The following PAK1 variants were observed in gnomAD, a reference collection of about 807,000 sequenced individuals.
PAK1 encodes serine/threonine-protein kinase PAK 1.
PAK1 carries 29 observed loss-of-function variants against 67.4 expected under a neutral mutation model. The observed-to-expected ratio is 0.43, with a 90% CI of 0.32 to 0.59. The LOEUF is 0.59. PAK1 is among the 20% of genes least tolerant of loss of function. The probability of loss-of-function intolerance (pLI) is 0.07; values close to 1 mark genes in which losing one functional copy is unlikely to be tolerated. For missense variants in PAK1, 337 were observed against 670.7 expected (o/e 0.50, Z 5.50); for synonymous variants, 223 against 237.4 (o/e 0.94, Z 0.56).
the PAK1 span, among the ~76,000 whole-genome samples, chr11:77,496,014 G>C: frequency 7.3e-6 from 1 of 137,144 alleles, no homozygotes; most frequent in African/African-American, 2.9e-5. Flanking sequence ...CCACTGAACT[G>C]TACACTTTTT....
At chr11:77,487,106 T>C in the PAK1 span, among the ~76,000 whole-genome samples, 7 of 152,192 alleles carry the variant, frequency 4.6e-5, no homozygotes, top group East Asian at 1.2e-3. Flanking sequence ...ACTTAGATAC[T>C]TGCTCAGCCA....
intron 1 of PAK1, among the ~76,000 whole-genome samples, chr11:77,434,791 G>GTATTT (rs1417774040): frequency 1.3e-5 from 2 of 151,922 alleles, no homozygotes; most frequent in Non-Finnish European, 2.9e-5. Flanking sequence ...GCTAATTTTT[G>GTATTT]TATTTTTTGT....
At chr11:77,397,934 A>G (rs1413019743) in intron 1 of PAK1, among the ~76,000 whole-genome samples, 1 of 152,198 alleles carries the variant, frequency 6.6e-6, no homozygotes, top group Non-Finnish European at 1.5e-5. Flanking sequence ...TAGAAATTTT[A>G]CTTATCCTTC....
intron 11 of PAK1, among the ~76,000 whole-genome samples, chr11:77,337,976 A>G (rs1392905666): frequency 6.6e-6 from 1 of 152,184 alleles, no homozygotes; most frequent in Non-Finnish European, 1.5e-5. Context: ...TTTACAAGTC[A>G]TTTGGGAAGA....
intron 1 of PAK1, among the ~76,000 whole-genome samples, chr11:77,434,571 CCAAGT>C (rs1203734201): frequency 3.3e-5 from 5 of 151,910 alleles, no homozygotes; most frequent in African/African-American, 1.2e-4. Flanking sequence ...CCTCAGCCTC[CCAAGT>C]AGCTGAAACC....
upstream of PAK1, among the ~76,000 whole-genome samples, chr11:77,477,329 T>C (rs1565731829): frequency 6.6e-6 from 1 of 152,208 alleles, no homozygotes; most frequent in African/African-American, 2.4e-5. Flanking sequence ...TCCTGTGGCA[T>C]ATTTCTGGTC....
the PAK1 span, among the ~76,000 whole-genome samples, chr11:77,496,607 C>T: frequency 1.3e-5 from 2 of 151,402 alleles, no homozygotes; most frequent in Non-Finnish European, 2.9e-5. Flanking sequence ...GAGCAAGAAC[C>T]TGAAAAAAGA....
At chr11:77,495,625 G>A in the PAK1 span, among the ~76,000 whole-genome samples, 1 of 152,120 alleles carries the variant, frequency 6.6e-6, no homozygotes, top group Admixed American at 6.6e-5. Flanking sequence ...ATTGCCAAAA[G>A]GTGGAAACAA....
At chr11:77,419,329 C>T (rs1955134162) in intron 1 of PAK1, among the ~76,000 whole-genome samples, 1 of 152,152 alleles carries the variant, frequency 6.6e-6, no homozygotes, top group African/African-American at 2.4e-5. Flanking sequence ...AGTGCAATAA[C>T]TCCTTTCATT....
At chr11:77,438,966 T>A (rs911422676) in intron 1 of PAK1, among the ~76,000 whole-genome samples, 1 of 152,224 alleles carries the variant, frequency 6.6e-6, no homozygotes, top group African/African-American at 2.4e-5. Flanking sequence ...GTCTCTGTCT[T>A]GCCTGATTCT....
At position 77,399,858 on chromosome 11, in the gene PAK1, CAAAAAAAAAAAAAA is replaced by C. The variant is rs34662738; in HGVS notation, c.-21-7331_-21-7318del. On this transcript the variant is annotated intron_variant, in intron 1 of 14. Coordinates refer to ENST00000356341, the MANE Select transcript of PAK1 (RefSeq NM_002576.5). ...TGGGCGACAGAGCGAGACTCCGTCT[CAAAAAAAAAAAAAA>C]AAAAAAAAAAAAAAGAAATAAGATT... Among the ~76,000 whole-genome samples the C allele has an allele frequency of 5.6e-3, 236 of 42,380 alleles. 2 individuals carry two copies. Among genetic ancestry groups the C allele is most frequent in the African/African-American group, 0.011 (140 of 13,040 alleles). 27.8% of individuals were successfully genotyped at this position (42,380 alleles called of 152,430 possible). A position where few individuals can be genotyped will look rare whatever the true frequency, so the allele number is the denominator to read the frequency against.
chr11:77,426,157 G>C (rs1432992355), intron 1 of PAK1, among the ~76,000 whole-genome samples: 1 of 150,006 alleles, frequency 6.7e-6, no homozygotes, highest in Non-Finnish European at 1.5e-5. Flanking sequence ...CTCAGACTAG[G>C]AGTCAGAGGT....
chr11:77,447,681 C>A (rs149818273), intron 1 of PAK1, among the ~76,000 whole-genome samples: 1 of 151,898 alleles, frequency 6.6e-6, no homozygotes, highest in Admixed American at 6.6e-5. Flanking sequence ...CCCACCACCA[C>A]GCCCAGCTAA....
At chr11:77,395,020 C>G (rs1486235306) in intron 1 of PAK1, among the ~76,000 whole-genome samples, 2 of 152,342 alleles carry the variant, frequency 1.3e-5, no homozygotes, top group Admixed American at 6.5e-5. Flanking sequence ...ACTTCTCCAA[C>G]TTCTTCAAAT....
chr11:77,407,519 C>A (rs746708430), intron 1 of PAK1, among the ~76,000 whole-genome samples: 9 of 152,292 alleles, frequency 5.9e-5, no homozygotes, highest in Admixed American at 2.6e-4. Context: ...AGCATCTGAG[C>A]AATTTTTCAC....
chr11:77,493,340 G>A, the PAK1 span, among the ~76,000 whole-genome samples: 3,224 of 147,892 alleles, frequency 0.022, 113 homozygotes, highest in African/African-American at 0.073. Context: ...CTGCAGTGGC[G>A]TGATCTTGGC....
chr11:77,514,944 A>G, the PAK1 span: 2 of 152,224 alleles, frequency 1.3e-5, no homozygotes, highest in African/African-American at 4.8e-5. Context: ...CTCAAAAAAG[A>G]TCATAGTTGA....
chr11:77,402,581 G>T (rs1376339796), intron 1 of PAK1, among the ~76,000 whole-genome samples: 2 of 151,942 alleles, frequency 1.3e-5, no homozygotes, highest in African/African-American at 4.8e-5. Flanking sequence ...GGCCTGTAAG[G>T]CCTCATAAAG....
chr11:77,324,971 A>G (rs958668869), intron 14 of PAK1, among the ~76,000 whole-genome samples: 23 of 152,218 alleles, frequency 1.5e-4, no homozygotes, highest in African/African-American at 5.5e-4. Flanking sequence ...GAATTCCAAT[A>G]TATATCATTC....
Sources: gnomAD v4.1 joint callset for allele counts (sites outside exome capture counted in the v4.1 genomes callset) on GRCh38, gnomAD v4.1.1 for gene constraint, MANE v1.5 for transcripts, NCBI Gene and HGNC (gene_info 2026-07-23, HGNC 2026-07-21) for gene names.